STK31: variants seen among roughly 807,000 people sequenced by gnomAD.
The protein encoded by STK31 is serine/threonine-protein kinase 31.
In STK31, 89 loss-of-function variants were observed where a neutral mutation model predicts 129.7. That is an observed-to-expected ratio of 0.69 (90% CI 0.58 to 0.82). The LOEUF is 0.82. Ranked by LOEUF, STK31 falls within the 40% of genes least tolerant of loss-of-function variation. STK31 has a pLI of 0.00. For synonymous variants in STK31, 448 were observed against 395.3 expected, an observed-to-expected ratio of 1.13 and a Z score of -1.58; for missense variants, 1,187 against 1,176.4, an observed-to-expected ratio of 1.01 and a Z score of -0.13.
At chr7:23,776,782 T>C (rs1400769921) in intron 15 of STK31, among the ~76,000 whole-genome samples, 1 of 152,200 alleles carries the variant, frequency 6.6e-6, no homozygotes, top group African/African-American at 2.4e-5. Flanking sequence ...CCTGGATTCA[T>C]TGATTTTTTT....
intron 4 of STK31, among the ~76,000 whole-genome samples, chr7:23,719,248 A>G (rs1408822466): frequency 5.3e-5 from 8 of 152,128 alleles, no homozygotes; most frequent in African/African-American, 1.9e-4. Flanking sequence ...ATATATTTCA[A>G]TGACAAAAAG....
intron 23 of STK31, among the ~76,000 whole-genome samples, chr7:23,831,816 G>A (rs574958821): frequency 6.6e-6 from 1 of 152,252 alleles, no homozygotes; most frequent in Admixed American, 6.5e-5. Context: ...AGTAGAGACG[G>A]GGTTTCACTG....
intron 4 of STK31, among the ~76,000 whole-genome samples, chr7:23,725,693 CA>C (rs961597044): frequency 1.6e-3 from 249 of 152,216 alleles, no homozygotes; most frequent in African/African-American, 5.6e-3. Flanking sequence ...GTAGGCTGTA[CA>C]AAAAGCATAA....
intron 6 of STK31, among the ~76,000 whole-genome samples, chr7:23,730,856 T>TATATA (rs1787362354): frequency 1.3e-5 from 1 of 75,260 alleles, no homozygotes; most frequent in Admixed American, 2.0e-4. Flanking sequence ...ATATAAACAT[T>TATATA]TATATATATA....
rs558230963 is a variant in STK31 at position 23,727,601 on chromosome 7, C to T, written c.324+286C>T. ...TTTTTGAGATGGAGTCTTTCTGTGT[C>T]GCCCAGGCTGGAGTGCAGTGGTACG... is the stretch of plus-strand genomic sequence containing the variant. On this transcript the variant is annotated intron_variant, in intron 5 of 23. Coordinates refer to ENST00000355870, the MANE Select transcript of STK31 (RefSeq NM_031414.5). The T allele has an allele frequency of 8.9e-5, 25 of 281,864 alleles. 2 individuals are homozygous for T. The East Asian group carries it at 1.2e-3, about 14-fold the overall frequency. The allele number at this position is 281,864 out of a possible 1,614,324, so 17.5% of individuals were successfully genotyped here.
At position 23,769,078 on chromosome 7, in the gene STK31, C is replaced by A; in HGVS notation, c.1500C>A (p.Asp500Glu). Residue 500 changes from aspartate to glutamate, a missense_variant, in exon 12 of 24, where the codon GAC becomes GAA. Asp to Glu is a conservative substitution (Grantham distance 45). This residue lies in a region of STK31 where 975 missense variants were observed against 934.9 expected (regional missense o/e 1.04). Coordinates refer to ENST00000355870, the MANE Select transcript of STK31 (RefSeq NM_031414.5). ...NSDEILKKFY[D>E]WKCDKREEFT... ...ATGAAATACTTAAAAAATTTTATGACTGGAAGTGTGATAAAAGAGAGGAGT... is the reference window on the plus strand; with the variant it reads ...ATGAAATACTTAAAAAATTTTATGAATGGAAGTGTGATAAAAGAGAGGAGT... The A allele has an allele frequency of 6.2e-7, 1 of 1,613,242 alleles. No homozygotes were observed. Among genetic ancestry groups the A allele is most frequent in the Non-Finnish European group, 8.5e-7 (1 of 1,179,438 alleles).
rs372861236 is a variant in STK31 at position 23,717,619 on chromosome 7, G to T, written c.249+40G>T. 788 of 1,469,036 alleles carry T rather than the reference G, an allele frequency of 5.4e-4. 1 individual carries two copies. Among genetic ancestry groups the T allele is most frequent in the Non-Finnish European group, 7.0e-4 (747 of 1,060,486 alleles). 91.0% of individuals were successfully genotyped at this position (1,469,036 alleles called of 1,614,324 possible). On this transcript the variant is annotated intron_variant, in intron 4 of 23. Transcript: ENST00000355870. ...TGAATATAATTATTTCATTCCTCCTGTCAGCTTTCCTGTGTCTTAGATATT... is the reference window on the plus strand; with the variant it reads ...TGAATATAATTATTTCATTCCTCCTTTCAGCTTTCCTGTGTCTTAGATATT...
chr7:23,714,183 A>T (rs1786156782), intron 3 of STK31, among the ~76,000 whole-genome samples: 1 of 152,194 alleles, frequency 6.6e-6, no homozygotes, highest in Non-Finnish European at 1.5e-5. Context: ...GGGTGATGTT[A>T]TAGAAAACTT....
Position 23,790,893 on chromosome 7 carries a change from A to C in STK31, c.2707A>C (p.Lys903Gln). The C allele has an allele frequency of 6.2e-7, 1 of 1,608,812 alleles. No homozygotes were observed. The highest frequency in any genetic ancestry group is 1.7e-5 in the Admixed American group (1 of 58,686). Residue 903 changes from lysine (K) to glutamine (Q), a missense_variant, in exon 22 of 24, where the codon AAA (lysine) becomes CAA (glutamine). Lys to Gln is a moderately conservative substitution (Grantham distance 53). Around this residue, in one of 5 missense-constraint regions of STK31, gnomAD observed 975 missense variants for 934.9 expected, o/e 1.04. Transcript: ENST00000355870. ...SLMSPELKMG[K>Q]PASPGSDLYA... ...GATGTCACCTGAGTTGAAAATGGGA[A>C]AACCTGCTTCTCCAGGTTCAGACTT...
At chr7:23,786,110 T>A (rs1791267015) in intron 18 of STK31, among the ~76,000 whole-genome samples, 1 of 152,186 alleles carries the variant, frequency 6.6e-6, no homozygotes, top group Non-Finnish European at 1.5e-5. Flanking sequence ...ACTTTCCTTT[T>A]TTTTTGGGTG....
chr7:23,729,597 G>A (rs769613932), intron 6 of STK31, among the ~76,000 whole-genome samples: 2 of 147,316 alleles, frequency 1.4e-5, no homozygotes, highest in African/African-American at 2.5e-5. Flanking sequence ...TGCAACCTCT[G>A]CCTCCCAGGT....
At position 23,810,967 on chromosome 7, in the gene STK31, A is replaced by C. The variant is rs534038675; in HGVS notation, c.2761-4177A>C. Among the ~76,000 whole-genome samples the C allele has an allele frequency of 2.0e-5, 3 of 147,670 alleles. No homozygotes were observed. The East Asian group carries it at 5.9e-4, about 29-fold the overall frequency. On this transcript the variant is annotated intron_variant, in intron 22 of 23. Transcript: ENST00000355870. Reference sequence around the variant, plus strand: ...CACACACACACACACACACACCTACATGATGTCTTATTTTTTTTAAACAAC... The same window carrying C: ...CACACACACACACACACACACCTACCTGATGTCTTATTTTTTTTAAACAAC...
intron 22 of STK31, among the ~76,000 whole-genome samples, chr7:23,809,948 A>T (rs1478371789): frequency 6.6e-6 from 1 of 152,178 alleles, no homozygotes; most frequent in Non-Finnish European, 1.5e-5. Context: ...CTGAGAATAT[A>T]TTCCTGTTAT....
At chr7:23,747,747 T>G (rs1187552667) in intron 8 of STK31, among the ~76,000 whole-genome samples, 2 of 152,222 alleles carry the variant, frequency 1.3e-5, no homozygotes, top group African/African-American at 4.8e-5. Flanking sequence ...TTATCAAATT[T>G]GTGGGACTTG....
At chr7:23,745,489 A>G (rs1371610796) in intron 8 of STK31, among the ~76,000 whole-genome samples, 1 of 152,146 alleles carries the variant, frequency 6.6e-6, no homozygotes, top group African/African-American at 2.4e-5. Flanking sequence ...TTGCTCTTAC[A>G]TTTGCTCCAG....
rs114244138 is a variant in STK31, at chr7:23,762,689, A to G, written c.1294-112A>G. The G allele has an allele frequency of 3.0e-4, 378 of 1,278,768 alleles. 1 individual carries two copies. In the African/African-American group the frequency reaches 5.2e-3, roughly 17 times the overall value. The allele number at this position is 1,278,768 out of a possible 1,614,324, so 79.2% of individuals were successfully genotyped here. A position where few individuals can be genotyped will look rare whatever the true frequency, so the allele number is the denominator to read the frequency against. ...TAAGGAGAGAAATGTCCTAAGTGCT[A>G]TAATGTTTGGAGAATATAAAGTTAA... On this transcript the variant is annotated intron_variant, in intron 10 of 23. Transcript: ENST00000355870.
intron 17 of STK31, among the ~76,000 whole-genome samples, chr7:23,784,282 C>T (rs1374618769): frequency 1.3e-5 from 2 of 151,968 alleles, no homozygotes; most frequent in Non-Finnish European, 2.9e-5. Context: ...AAGATTGTCA[C>T]GAAGTCCATT....
At chr7:23,724,991 C>T (rs978968743) in intron 4 of STK31, among the ~76,000 whole-genome samples, 2 of 152,158 alleles carry the variant, frequency 1.3e-5, no homozygotes, top group Non-Finnish European at 2.9e-5. Flanking sequence ...AAGCAGTATT[C>T]TTCAGCCATT....
At chr7:23,824,531 A>C (rs530097391) in intron 23 of STK31, among the ~76,000 whole-genome samples, 1 of 152,182 alleles carries the variant, frequency 6.6e-6, no homozygotes, top group Non-Finnish European at 1.5e-5. Context: ...ATATACAATC[A>C]TGTCATCTGC....
Sources: gnomAD v4.1 joint callset for allele counts (sites outside exome capture counted in the v4.1 genomes callset) on GRCh38, gnomAD v4.1.1 for gene constraint, gnomAD v4.1.1 regional missense constraint, MANE v1.5 for transcripts, NCBI Gene and HGNC (gene_info 2026-07-23, HGNC 2026-07-21) for gene names.